ABCA13: variants seen among roughly 807,000 people sequenced by gnomAD.
ABCA13 encodes the protein ATP-binding cassette sub-family A member 13.
A neutral mutation model predicts 478.7 loss-of-function variants in ABCA13; 476 were observed. The observed-to-expected ratio is 0.99, with a 90% CI of 0.92 to 1.07. The LOEUF is 1.07. ABCA13 is among the 50% of genes least tolerant of loss of function. The pLI is 0.00. For synonymous variants in ABCA13, 2,252 were observed against 2,158.9 expected (o/e 1.04, Z -1.20); for missense variants, 6,060 against 5,910.6 (o/e 1.03, Z -0.83).
chr7:48,480,950 A>G, intron 45 of ABCA13, 86 bp from the exon 46 acceptor site: 1 of 810,166 alleles, frequency 1.2e-6, no homozygotes, highest in Non-Finnish European at 2.1e-6. Context: ...GCTAGAGAAC[A>G]ATCACATGTA....
In ABCA13 at chr7:48,278,131, C is replaced by T; in HGVS notation, c.6937C>T (p.Leu2313=). The T allele has an allele frequency of 7.2e-7, 1 of 1,394,192 alleles. No homozygotes were observed. 86.4% of individuals were successfully genotyped at this position (1,394,192 alleles called of 1,614,324 possible). A position where few individuals can be genotyped will look rare whatever the true frequency, so the allele number is the denominator to read the frequency against. Residue 2313 remains leucine, a synonymous_variant, in exon 18 of 62, where the codon CTG becomes TTG. Transcript: ENST00000435803. ...AGATAAAATTCTAGAAATTCTGAAA[C>T]TGGATCAATTTCTTACCCTGATGAT... The part of the protein sequence containing the change: ...PKDKILEILK[L]DQFLTLMIQD...
intron 1 of ABCA13, among the ~76,000 whole-genome samples, chr7:48,180,793 T>C (rs976337337): frequency 6.6e-6 from 1 of 152,062 alleles, no homozygotes; most frequent in Admixed American, 6.5e-5. Context: ...TCCCAGTTAC[T>C]AGGGAGGCTG....
chr7:48,628,136 A>C (rs957384728), intron 59 of ABCA13, among the ~76,000 whole-genome samples: 5 of 152,180 alleles, frequency 3.3e-5, no homozygotes, highest in Non-Finnish European at 5.9e-5. Context: ...ACACATGACT[A>C]GTTCCTTCAG....
At position 48,315,053 on chromosome 7, in the gene ABCA13, T is replaced by C. The variant is rs1022747164; in HGVS notation, c.9859+644T>C. Among the ~76,000 whole-genome samples, 3 of 152,346 alleles carry C rather than the reference T, an allele frequency of 2.0e-5. No individual in the cohort carries two copies. In the South Asian group the frequency reaches 6.2e-4, roughly 32 times the overall value. On this transcript the variant is annotated intron_variant, in intron 26 of 61. Transcript: ENST00000435803. ...GGTTTTGGAGTTTAGACGGTTCAGC[T>C]CCATCAGTTGTGCATTTTTGGACAC...
At chr7:48,542,236 T>C (rs1397185267) in intron 55 of ABCA13, among the ~76,000 whole-genome samples, 1 of 151,716 alleles carries the variant, frequency 6.6e-6, no homozygotes, top group African/African-American at 2.4e-5. Flanking sequence ...TGTAATATAT[T>C]TGGAGAATGA....
chr7:48,602,460 A>G (rs1791004621), intron 58 of ABCA13, among the ~76,000 whole-genome samples: 1 of 152,176 alleles, frequency 6.6e-6, no homozygotes, highest in Non-Finnish European at 1.5e-5. Context: ...AGTTTTCCCG[A>G]CACCATTTAT....
chr7:48,570,022 G>A (rs1207704780), intron 55 of ABCA13, among the ~76,000 whole-genome samples: 1 of 151,908 alleles, frequency 6.6e-6, no homozygotes, highest in African/African-American at 2.4e-5. Context: ...TAATCTTCTA[G>A]CATAGTTATT....
At position 48,389,181 on chromosome 7, in the gene ABCA13, C is replaced by T; in HGVS notation, c.11615C>T (p.Ala3872Val). 1.2e-6 allele frequency: 2 copies of T among 1,613,892 alleles called. No individual in the cohort carries two copies. The highest frequency in any genetic ancestry group is 1.1e-5 in the South Asian group (1 of 91,074). The change falls in exon 37 of 62, where the codon GCC becomes GTC. Residue 3872 changes from alanine to valine, a missense_variant. Around this residue, in one of 3 missense-constraint regions of ABCA13, gnomAD observed 1,627 missense variants for 1,571.0 expected, o/e 1.04. Coordinates refer to ENST00000435803, the MANE Select transcript of ABCA13 (RefSeq NM_152701.5). ...ACCTTCTACAGAGACCAAATCACCG[C>T]CCTGCTGGGGACAAACGGTGCCGGG... ...SLTFYRDQITALLGTNGAGKT... is the reference protein window; with the variant it reads ...SLTFYRDQITVLLGTNGAGKT...
chr7:48,258,197 T>C (rs1793675445), intron 15 of ABCA13, among the ~76,000 whole-genome samples: 1 of 152,334 alleles, frequency 6.6e-6, no homozygotes, highest in Admixed American at 6.5e-5. Flanking sequence ...GTGCTGGGAT[T>C]ACAGGTGTGA....
intron 55 of ABCA13, among the ~76,000 whole-genome samples, chr7:48,541,061 G>T (rs971334402): frequency 5.7e-4 from 86 of 152,146 alleles, no homozygotes; most frequent in African/African-American, 1.9e-3. Context: ...GCAGGCATAA[G>T]AATAAATAAT....
intron 42 of ABCA13, among the ~76,000 whole-genome samples, chr7:48,447,618 G>T (rs768860721): frequency 6.6e-6 from 1 of 152,164 alleles, no homozygotes; most frequent in Non-Finnish European, 1.5e-5. Context: ...TAAAGGAACT[G>T]CAGAGGTGGT....
chr7:48,438,899 TA>T (rs1554513959), intron 42 of ABCA13, among the ~76,000 whole-genome samples: 1 of 150,452 alleles, frequency 6.6e-6, no homozygotes, highest in African/African-American at 2.5e-5. Context: ...TTTTTTTTTT[TA>T]AAAAACTAAT....
At chr7:48,289,742 A>G (rs1220538764) in intron 20 of ABCA13, among the ~76,000 whole-genome samples, 1 of 151,576 alleles carries the variant, frequency 6.6e-6, no homozygotes, top group East Asian at 1.9e-4. Flanking sequence ...CAACTGACTC[A>G]AAGACTGTAT....
Position 48,600,603 on chromosome 7 carries a change from T to C in ABCA13, c.14744+5790T>C, listed in dbSNP as rs188028492. On this transcript the variant is annotated intron_variant, in intron 58 of 61. Coordinates refer to ENST00000435803, the MANE Select transcript of ABCA13 (RefSeq NM_152701.5). ...TTCTTACTGGCTAGTCTAAGGATGA[T>C]AGTATACGTCTTGATGCTAACTTAA... 4.4e-3 allele frequency among the ~76,000 whole-genome samples: 669 copies of C among 152,292 alleles called. 6 individuals carry two copies. Among genetic ancestry groups the C allele is most frequent in the African/African-American group, 0.015 (628 of 41,586 alleles).
intron 29 of ABCA13, 31 bp from the exon 30 acceptor site, chr7:48,350,612 T>C (rs771222842): frequency 1.0e-5 from 16 of 1,546,850 alleles, no homozygotes; most frequent in Non-Finnish European, 1.4e-5. Flanking sequence ...ATACAGAAGT[T>C]GATGTGTCCT....
chr7:48,389,857 C>G (rs764845060), intron 37 of ABCA13, among the ~76,000 whole-genome samples: 1 of 152,184 alleles, frequency 6.6e-6, no homozygotes, highest in Non-Finnish European at 1.5e-5. Context: ...GAACAAATCA[C>G]TTTCTCTTTT....
intron 31 of ABCA13, among the ~76,000 whole-genome samples, chr7:48,358,232 G>A (rs1243145728): frequency 1.9e-5 from 1 of 51,616 alleles, no homozygotes; most frequent in Non-Finnish European, 4.3e-5. Context: ...AAGGGGAGGG[G>A]AGGGGAGGGG....
At chr7:48,462,209 G>C (rs1826323685) in intron 43 of ABCA13, among the ~76,000 whole-genome samples, 1 of 144,174 alleles carries the variant, frequency 6.9e-6, no homozygotes, top group African/African-American at 2.7e-5. Flanking sequence ...GTTTCTGGCA[G>C]GTATTACGGT....
intron 38 of ABCA13, among the ~76,000 whole-genome samples, chr7:48,394,923 G>A (rs1423833390): frequency 6.6e-6 from 1 of 152,192 alleles, no homozygotes; most frequent in Non-Finnish European, 1.5e-5. Flanking sequence ...GGGTGCAGGG[G>A]GTCAGCTGCC....
Sources: allele counts gnomAD v4.1 joint callset (sites outside exome capture counted in the v4.1 genomes callset), GRCh38; gene constraint gnomAD v4.1.1; regional missense constraint gnomAD v4.1.1; transcripts MANE v1.5; gene names NCBI Gene and HGNC (gene_info 2026-07-23, HGNC 2026-07-21).